CHRM3: variants seen among roughly 807,000 people sequenced by gnomAD.
The protein encoded by CHRM3 is cholinergic receptor muscarinic 3.
Under a neutral mutation model 41.8 loss-of-function variants are expected in CHRM3, and 11 were observed. That is an observed-to-expected ratio of 0.26 (90% CI 0.17 to 0.44). The LOEUF (loss-of-function observed/expected upper bound fraction) is 0.44. Ranked by LOEUF, CHRM3 falls within the 20% of genes least tolerant of loss-of-function variation. The pLI is 1.00. For synonymous variants in CHRM3, 297 were observed against 301.4 expected (o/e 0.99, Z 0.15); for missense variants, 571 against 745.4 (o/e 0.77, Z 2.72).
intron 1 of CHRM3, among the ~76,000 whole-genome samples, chr1:239,417,131 T>C (rs1036789914): frequency 6.6e-6 from 1 of 152,224 alleles, no homozygotes; most frequent in Non-Finnish European, 1.5e-5. Flanking sequence ...TGAAGGAAGA[T>C]GCATGTGAAC....
chr1:239,568,065 C>G (rs1661513328), intron 3 of CHRM3, among the ~76,000 whole-genome samples: 1 of 152,138 alleles, frequency 6.6e-6, no homozygotes. Flanking sequence ...GAGGGAGGTC[C>G]AGGAAGTGCC....
intron 2 of CHRM3, among the ~76,000 whole-genome samples, chr1:239,542,744 C>T (rs1019517843): frequency 2.0e-5 from 3 of 152,114 alleles, no homozygotes; most frequent in African/African-American, 4.8e-5. Flanking sequence ...AACCACTTAG[C>T]GGCCTTCTTA....
chr1:239,765,739 C>G (rs959422812), intron 5 of CHRM3, among the ~76,000 whole-genome samples: 65 of 152,060 alleles, frequency 4.3e-4, no homozygotes, highest in African/African-American at 1.5e-3. Context: ...AGCAAGCATT[C>G]ATGTGGCCAA....
At chr1:239,634,543 T>G (rs996241439) in intron 4 of CHRM3, among the ~76,000 whole-genome samples, 3 of 151,088 alleles carry the variant, frequency 2.0e-5, no homozygotes, top group African/African-American at 7.3e-5. Flanking sequence ...GAGCATCTTC[T>G]TTTCTTTTTT....
intron 2 of CHRM3, among the ~76,000 whole-genome samples, chr1:239,532,617 C>A (rs1657744338): frequency 9.0e-6 from 1 of 111,048 alleles, no homozygotes; most frequent in African/African-American, 3.1e-5. Flanking sequence ...AGCAAGACTG[C>A]CTCTCAAAAA....
chr1:239,761,594 A>G (rs1041878774), intron 5 of CHRM3, among the ~76,000 whole-genome samples: 6 of 152,136 alleles, frequency 3.9e-5, no homozygotes, highest in Admixed American at 2.6e-4. Context: ...TGTTAGGAGG[A>G]ACCAAAAAGT....
intron 2 of CHRM3, among the ~76,000 whole-genome samples, chr1:239,529,004 A>C (rs1670186930): frequency 6.6e-6 from 1 of 152,226 alleles, no homozygotes; most frequent in Non-Finnish European, 1.5e-5. Flanking sequence ...TTCAGGCTTA[A>C]AGGAGCCATC....
intron 4 of CHRM3, among the ~76,000 whole-genome samples, chr1:239,668,986 C>T (rs1386043539): frequency 6.6e-6 from 1 of 152,184 alleles, no homozygotes. Flanking sequence ...TGAACACTAT[C>T]TTCTTTCTGC....
Position 239,640,272 on chromosome 1 carries a change from G to A in CHRM3, c.-250+7986G>A, listed in dbSNP as rs538515887. 3.9e-5 allele frequency among the ~76,000 whole-genome samples: 6 copies of A among 152,284 alleles called. No homozygotes were observed. The South Asian group carries it at 1.2e-3, about 32-fold the overall frequency. ...CCGGCTTTGGTATCAGGATGATGCT[G>A]GCATCATAAAATGAGTTAGGGAGGA... On this transcript the variant is annotated intron_variant, in intron 4 of 6. Transcript: ENST00000676153.
chr1:239,694,462 C>T (rs757499331), intron 5 of CHRM3, among the ~76,000 whole-genome samples: 2 of 152,152 alleles, frequency 1.3e-5, no homozygotes, highest in Non-Finnish European at 2.9e-5. Context: ...CAAGGCTTAA[C>T]GTTCCAAAAA....
intron 4 of CHRM3, among the ~76,000 whole-genome samples, chr1:239,667,991 A>G (rs1673979190): frequency 6.6e-6 from 1 of 150,566 alleles, no homozygotes; most frequent in Admixed American, 6.6e-5. Context: ...ACTCCATGCT[A>G]CCTAATTTTA....
At chr1:239,783,936 C>G (rs1668697432) in intron 5 of CHRM3, among the ~76,000 whole-genome samples, 2 of 152,122 alleles carry the variant, frequency 1.3e-5, no homozygotes, top group South Asian at 4.1e-4. Context: ...GTTTAGTTCC[C>G]TCTTATAAGT....
chr1:239,532,703 G>A (rs1226845789), intron 2 of CHRM3, among the ~76,000 whole-genome samples: 1 of 151,018 alleles, frequency 6.6e-6, no homozygotes, highest in African/African-American at 2.4e-5. Context: ...ATAGAAAAAT[G>A]TAATGAAAAC....
chr1:239,554,205 G>A (rs1044639976), intron 3 of CHRM3, among the ~76,000 whole-genome samples: 5 of 152,178 alleles, frequency 3.3e-5, no homozygotes, highest in Non-Finnish European at 5.9e-5. Flanking sequence ...ATGTTGTGAA[G>A]TCATTTGAAA....
At chr1:239,794,384 GTTGTT>G (rs1669593584) in intron 5 of CHRM3, among the ~76,000 whole-genome samples, 1 of 119,158 alleles carries the variant, frequency 8.4e-6, no homozygotes. Context: ...TAATTCGTTT[GTTGTT>G]TTTTTTTTTT....
In CHRM3 at chr1:239,791,791, G is replaced by A. The variant is rs546234076; in HGVS notation, c.-146-35461G>A. ...AGAAAGGAGGAAGCAGATCCTCAACGAGTTGTATAAAGAGATGGGCTTGAA... is the reference window on the plus strand; with the variant it reads ...AGAAAGGAGGAAGCAGATCCTCAACAAGTTGTATAAAGAGATGGGCTTGAA... On this transcript the variant is annotated intron_variant, in intron 5 of 6. Coordinates refer to ENST00000676153, the MANE Select transcript of CHRM3 (RefSeq NM_001375978.1). Among the ~76,000 whole-genome samples the A allele has an allele frequency of 6.6e-5, 10 of 152,280 alleles. No homozygotes were observed. In the South Asian group the frequency reaches 1.7e-3, roughly 25 times the overall value.
At chr1:239,504,835 T>A (rs1668460493) in intron 2 of CHRM3, among the ~76,000 whole-genome samples, 1 of 152,038 alleles carries the variant, frequency 6.6e-6, no homozygotes, top group African/African-American at 2.4e-5. Flanking sequence ...CATCATATAT[T>A]CTCACTCATA....
At chr1:239,659,964 C>A (rs115125421) in intron 4 of CHRM3, among the ~76,000 whole-genome samples, 1 of 152,136 alleles carries the variant, frequency 6.6e-6, no homozygotes, top group South Asian at 2.1e-4. Context: ...CTGTCTTATT[C>A]TTCTTTACTT....
intron 2 of CHRM3, among the ~76,000 whole-genome samples, chr1:239,519,989 T>C (rs9428838): frequency 0.58 from 87,631 of 151,746 alleles, 25,663 homozygotes; most frequent in Middle Eastern, 0.69. Flanking sequence ...CCTCGTGATC[T>C]GCTCGCCTCG....
Sources: allele counts gnomAD v4.1 joint callset (sites outside exome capture counted in the v4.1 genomes callset), GRCh38; gene constraint gnomAD v4.1.1; transcripts MANE v1.5; gene names NCBI Gene and HGNC (gene_info 2026-07-23, HGNC 2026-07-21).